Variants in DNAH8 observed in about 807,000 individuals in gnomAD.
DNAH8 encodes axonemal beta dynein heavy chain 8.
A neutral mutation model predicts 562.1 loss-of-function variants in DNAH8; 382 were observed. The observed-to-expected ratio is 0.68, with a 90% CI of 0.63 to 0.74. The LOEUF is 0.74. DNAH8 is among the 30% of genes least tolerant of loss of function. The pLI is 0.00. For synonymous variants in DNAH8, 1,881 were observed against 1,919.4 expected, an observed-to-expected ratio of 0.98 and a Z score of 0.52; for missense variants, 5,203 against 5,620.4, an observed-to-expected ratio of 0.93 and a Z score of 2.37.
intron 87 of DNAH8, among the ~76,000 whole-genome samples, chr6:38,984,616 C>G (rs1041098325): frequency 6.6e-6 from 1 of 152,076 alleles, no homozygotes; most frequent in African/African-American, 2.4e-5. Context: ...TATGGTGAAA[C>G]CCCGTATCTA....
intron 1 of DNAH8, among the ~76,000 whole-genome samples, chr6:38,721,426 G>A (rs1346346945): frequency 6.6e-6 from 1 of 152,088 alleles, no homozygotes; most frequent in Non-Finnish European, 1.5e-5. Flanking sequence ...AGGGTCACAA[G>A]CCTGGGAGGT....
intron 5 of DNAH8, 64 bp downstream of exon 5, chr6:38,734,689 ATGCTTTACTT>A (rs1763946241): frequency 6.5e-7 from 1 of 1,546,902 alleles, no homozygotes; most frequent in Non-Finnish European, 8.8e-7. Context: ...AGTCACACTT[ATGCTTTACTT>A]TGCTTTCCCT....
intron 70 of DNAH8, among the ~76,000 whole-genome samples, chr6:38,920,971 GC>G (rs1781659011): frequency 6.6e-6 from 1 of 152,078 alleles, no homozygotes; most frequent in Non-Finnish European, 1.5e-5. Context: ...GCTCACTGCA[GC>G]CTCGACCTCC....
At chr6:38,840,458 T>A (rs1027019538) in intron 33 of DNAH8, among the ~76,000 whole-genome samples, 1 of 152,248 alleles carries the variant, frequency 6.6e-6, no homozygotes, top group Non-Finnish European at 1.5e-5. Context: ...CTGTCACTTA[T>A]CTTTTTCACA....
At chr6:38,730,361 G>A (rs1763568919) in intron 4 of DNAH8, among the ~76,000 whole-genome samples, 2 of 152,214 alleles carry the variant, frequency 1.3e-5, no homozygotes, top group Admixed American at 6.5e-5. Flanking sequence ...TCAGCATCTT[G>A]TGCCTGCTGC....
Position 38,774,276 on chromosome 6 carries a change from G to T in DNAH8, c.1765-1478G>T, listed in dbSNP as rs200185802. ...GCTGGGGGAGATTTGAGGATCTGGA[G>T]CTAGTAGGTGAGGTAGGGTCTCCAC... On this transcript the variant is annotated intron_variant, in intron 12 of 92. Transcript: ENST00000327475. 1.0e-3 allele frequency among the ~76,000 whole-genome samples: 155 copies of T among 152,278 alleles called. 3 individuals are homozygous for T. In the South Asian group the frequency reaches 0.032, roughly 31 times the overall value.
At position 38,917,271 on chromosome 6, in the gene DNAH8, G is replaced by A. The variant is rs370433159; in HGVS notation, c.10173G>A (p.Arg3391=). Residue 3391 remains arginine (R), a synonymous_variant, in exon 69 of 93, where the codon AGG becomes AGA. Transcript: ENST00000327475. ...TIKPNDIATV[R]KLAKPPHLIM... ...AGCCAAATGATATTGCCACAGTCAG[G>A]AAACTTGCAAAACCACCACATCTTA... The A allele has an allele frequency of 3.8e-4, 616 of 1,612,742 alleles. 6 individuals are homozygous for A. The South Asian group carries it at 6.4e-3, about 17-fold the overall frequency.
At chr6:39,015,680 G>A (rs377436615) in intron 91 of DNAH8, among the ~76,000 whole-genome samples, 25 of 152,234 alleles carry the variant, frequency 1.6e-4, no homozygotes, top group Middle Eastern at 3.4e-3. Flanking sequence ...ACCCAGTTTC[G>A]GGTATGTCTT....
intron 57 of DNAH8, 116 bp downstream of exon 57, chr6:38,887,120 G>A: frequency 1.4e-6 from 1 of 699,016 alleles, no homozygotes; most frequent in Non-Finnish European, 2.4e-6. Flanking sequence ...ATGTGAAATG[G>A]AGAGCTAAAC....
At chr6:38,838,318 C>T (rs1774473093) in intron 33 of DNAH8, among the ~76,000 whole-genome samples, 1 of 152,134 alleles carries the variant, frequency 6.6e-6, no homozygotes, top group African/African-American at 2.4e-5. Context: ...ACTGTTTTTG[C>T]ATAGTGTCAG....
intron 1 of DNAH8, among the ~76,000 whole-genome samples, chr6:38,722,572 A>AAGTG (rs1762837138): frequency 7.9e-6 from 1 of 126,648 alleles, no homozygotes; most frequent in Non-Finnish European, 1.8e-5. Context: ...AAAAGCTCCC[A>AAGTG]GGTGGGTGGG....
At chr6:38,799,004 C>T (rs986172270) in intron 21 of DNAH8, among the ~76,000 whole-genome samples, 1 of 152,164 alleles carries the variant, frequency 6.6e-6, no homozygotes, top group Non-Finnish European at 1.5e-5. Context: ...TCTCCTATAG[C>T]TCTCCTGTCT....
intron 65 of DNAH8, among the ~76,000 whole-genome samples, chr6:38,910,516 A>C (rs892415440): frequency 2.6e-5 from 4 of 152,172 alleles, no homozygotes; most frequent in African/African-American, 9.7e-5. Context: ...TTTAGATAAG[A>C]TCTCCCAAAT....
intron 88 of DNAH8, among the ~76,000 whole-genome samples, chr6:38,997,094 T>C (rs1407634963): frequency 3.3e-5 from 5 of 152,152 alleles, no homozygotes; most frequent in Non-Finnish European, 5.9e-5. Flanking sequence ...CCACCCCTGA[T>C]CCCCTTTCCC....
At chr6:39,012,965 T>A (rs1727092706) in intron 91 of DNAH8, among the ~76,000 whole-genome samples, 1 of 152,196 alleles carries the variant, frequency 6.6e-6, no homozygotes, top group Non-Finnish European at 1.5e-5. Context: ...TTTAAATGTT[T>A]GTGAAATATC....
intron 8 of DNAH8, among the ~76,000 whole-genome samples, chr6:38,745,190 G>A (rs1172342508): frequency 1.3e-5 from 2 of 152,162 alleles, no homozygotes; most frequent in Admixed American, 1.3e-4. Flanking sequence ...CCTACTGCAG[G>A]TGCAAGCATC....
intron 79 of DNAH8, among the ~76,000 whole-genome samples, chr6:38,944,363 G>A (rs1214831856): frequency 2.0e-5 from 3 of 152,140 alleles, no homozygotes; most frequent in South Asian, 2.1e-4. Context: ...AAGTACTTTC[G>A]TTCATACAGC....
chr6:39,000,468 C>G (rs969602239), intron 88 of DNAH8, among the ~76,000 whole-genome samples: 2 of 152,176 alleles, frequency 1.3e-5, no homozygotes, highest in African/African-American at 4.8e-5. Flanking sequence ...TGAGGGAGCA[C>G]TACCGCCTGA....
intron 17 of DNAH8, among the ~76,000 whole-genome samples, chr6:38,784,502 T>C (rs1157884): frequency 0.8 from 121,743 of 152,050 alleles, 49,596 homozygotes; most frequent in South Asian, 0.89. Context: ...GAGCCCACCA[T>C]ATACTTTATC....
Sources: gnomAD v4.1 joint callset for allele counts (sites outside exome capture counted in the v4.1 genomes callset) on GRCh38, gnomAD v4.1.1 for gene constraint, MANE v1.5 for transcripts, NCBI Gene and HGNC (gene_info 2026-07-23, HGNC 2026-07-21) for gene names.